DPP4: variants seen among roughly 807,000 people sequenced by gnomAD.
The protein encoded by DPP4 is ADCP-2.
DPP4 carries 93 observed loss-of-function variants against 122.4 expected under a neutral mutation model. The ratio of observed to expected loss-of-function variants is 0.76; its 90% CI spans 0.64 to 0.90. DPP4 has a LOEUF of 0.90. Among genes scored for constraint, DPP4 ranks in the 40% least tolerant of loss-of-function variants. The pLI is 0.00. For missense variants in DPP4, 914 were observed against 907.3 expected, an observed-to-expected ratio of 1.01 and a Z score of -0.09; for synonymous variants, 321 against 302.9, an observed-to-expected ratio of 1.06 and a Z score of -0.62.
intron 5 of DPP4, among the ~76,000 whole-genome samples, chr2:162,042,351 G>T (rs910241791): frequency 2.0e-5 from 3 of 152,184 alleles, no homozygotes; most frequent in Non-Finnish European, 2.9e-5. Context: ...GAGCAGAGAT[G>T]CTAGGAGAAC....
At chr2:162,002,625 T>C (rs1701179288) in intron 23 of DPP4, among the ~76,000 whole-genome samples, 1 of 151,838 alleles carries the variant, frequency 6.6e-6, no homozygotes, top group Non-Finnish European at 1.5e-5. Context: ...CCTTTGTCTT[T>C]TCAAAAAGGA....
intron 9 of DPP4, 66 bp downstream of exon 9, chr2:162,035,098 G>T (rs1281100386): frequency 2.1e-6 from 3 of 1,461,802 alleles, no homozygotes; most frequent in Admixed American, 4.3e-5. Flanking sequence ...TTAGCAAGAA[G>T]GGATTAAATG....
At chr2:161,998,775 T>C (rs1408507602) in intron 23 of DPP4, among the ~76,000 whole-genome samples, 2 of 152,086 alleles carry the variant, frequency 1.3e-5, no homozygotes, top group Non-Finnish European at 2.9e-5. Context: ...ATAAATGTTG[T>C]GATGTACACA....
At chr2:162,032,310 C>T (rs1005587714) in intron 10 of DPP4, 4 of 152,224 alleles carry the variant, frequency 2.6e-5, no homozygotes, top group African/African-American at 9.7e-5. Flanking sequence ...GACAGACTGA[C>T]TTTAAAGAGT....
Position 162,016,691 on chromosome 2 carries a change from T to C in DPP4, c.1567+77A>G, listed in dbSNP as rs1682939122. On this transcript the variant is annotated intron_variant, in intron 18 of 25. Coordinates refer to ENST00000360534, the MANE Select transcript of DPP4 (RefSeq NM_001935.4). ...ATTTATATATAATATGAAATACATA[T>C]TTTCAGATCGAATTACTATAGTTAG... 3.3e-6 allele frequency: 3 copies of C among 919,632 alleles called. No homozygotes were observed. In the South Asian group the frequency reaches 6.6e-5, roughly 20 times the overall value. 57.0% of individuals were successfully genotyped at this position (919,632 alleles called of 1,614,324 possible).
intron 5 of DPP4, among the ~76,000 whole-genome samples, chr2:162,044,406 G>A (rs954730636): frequency 5.9e-5 from 9 of 152,128 alleles, no homozygotes; most frequent in African/African-American, 1.9e-4. Flanking sequence ...TGGTGTGTGA[G>A]TGTTGGTGTG....
rs749218143 is a variant in DPP4 at position 162,020,185 on chromosome 2, T to C, written c.1244+44A>G. ...TACTTCTGGGCAAAGAGGGCATGAT[T>C]ATGACAAGTAGGTTTATATCCTATC... On this transcript the variant is annotated intron_variant, in intron 14 of 25. Transcript: ENST00000360534. 24 of 1,533,094 alleles carry C rather than the reference T, an allele frequency of 1.6e-5. No individual in the cohort carries two copies. In the Admixed American group the frequency reaches 4.3e-4, roughly 27 times the overall value. The allele number at this position is 1,533,094 out of a possible 1,614,324, so 95.0% of individuals were successfully genotyped here.
Position 161,993,213 on chromosome 2 carries a change from G to GTGCAGT in DPP4, c.*64_*69dup. The GTGCAGT allele has an allele frequency of 8.6e-7, 1 of 1,157,050 alleles. No individual in the cohort carries two copies. The highest frequency in any genetic ancestry group is 1.3e-6 in the Non-Finnish European group (1 of 768,074). The allele number at this position is 1,157,050 out of a possible 1,614,324, so 71.7% of individuals were successfully genotyped here. A position where few individuals can be genotyped will look rare whatever the true frequency, so the allele number is the denominator to read the frequency against. Reference sequence around the variant, plus strand: ...TTTAAAGATCATCATCATCTTGACAGTGCAGTTTTGAGATAATGAAAACAA... The same window carrying GTGCAGT: ...TTTAAAGATCATCATCATCTTGACAGTGCAGTTGCAGTTTTGAGATAATGAAAACAA... On this transcript the variant is annotated 3_prime_UTR_variant, in exon 26 of 26. Coordinates refer to ENST00000360534, the MANE Select transcript of DPP4 (RefSeq NM_001935.4).
chr2:162,019,484 TAAAATA>T (rs1159300756), intron 14 of DPP4, among the ~76,000 whole-genome samples: 1 of 151,098 alleles, frequency 6.6e-6, no homozygotes, highest in African/African-American at 2.4e-5. Flanking sequence ...CTTAACAGAC[TAAAATA>T]TGTAAAACCA....
rs1189294526 is a variant in DPP4, at chr2:162,024,827, T to C, written c.1000A>G (p.Ser334Gly). The change falls in exon 11 of 26, where the codon AGT becomes GGT. Residue 334 changes from serine (S) to glycine (G), a missense_variant. By Grantham distance (56) the Ser-to-Gly change is moderately conservative. Transcript: ENST00000360534. ...ACCACTAAGCAGTTCCATCTTCCAC[T>C]GGATTCATCATAGTCACAAATATCC... is the stretch of plus-strand genomic sequence containing the variant. The part of the protein sequence containing the change: ...VMDICDYDES[S>G]GRWNCLVARQ... 6.2e-7 allele frequency: 1 copy of C among 1,613,728 alleles called. No individual in the cohort carries two copies. Among genetic ancestry groups the C allele is most frequent in the Non-Finnish European group, 8.5e-7 (1 of 1,180,014 alleles).
chr2:162,032,707 AAC>A (rs1491265813), intron 10 of DPP4, among the ~76,000 whole-genome samples: 3,656 of 126,594 alleles, frequency 0.029, 148 homozygotes, highest in African/African-American at 0.097. Context: ...CAACAACAAC[AAC>A]AAAAAAAAAA....
intron 2 of DPP4, among the ~76,000 whole-genome samples, chr2:162,050,520 G>C (rs1422749888): frequency 1.3e-5 from 2 of 152,158 alleles, no homozygotes; most frequent in African/African-American, 4.8e-5. Flanking sequence ...ACACTTGCTA[G>C]AGCCCAGGAC....
At chr2:162,026,435 T>A (rs1288327591) in intron 10 of DPP4, among the ~76,000 whole-genome samples, 1 of 152,198 alleles carries the variant, frequency 6.6e-6, no homozygotes, top group Non-Finnish European at 1.5e-5. Flanking sequence ...AACTATATAC[T>A]ACCTAGTCTG....
intron 10 of DPP4, among the ~76,000 whole-genome samples, chr2:162,031,452 C>G (rs959465667): frequency 3.3e-5 from 5 of 152,212 alleles, no homozygotes; most frequent in African/African-American, 1.2e-4. Flanking sequence ...TTCTAAAGCC[C>G]CTTTCCGATG....
At chr2:162,059,261 A>G (rs541436733) in intron 2 of DPP4, among the ~76,000 whole-genome samples, 1 of 151,586 alleles carries the variant, frequency 6.6e-6, no homozygotes, top group Admixed American at 6.6e-5. Context: ...TTTTTTTCTG[A>G]TTATAGTCAC....
intron 5 of DPP4, among the ~76,000 whole-genome samples, chr2:162,044,171 C>T (rs1046598453): frequency 6.6e-6 from 1 of 152,138 alleles, no homozygotes; most frequent in African/African-American, 2.4e-5. Flanking sequence ...AAATAAGAAG[C>T]ACTTAATTAA....
At chr2:162,004,000 G>A (rs1053352979) in intron 23 of DPP4, among the ~76,000 whole-genome samples, 4 of 152,146 alleles carry the variant, frequency 2.6e-5, no homozygotes, top group Non-Finnish European at 4.4e-5. Flanking sequence ...GGCTGTGTAA[G>A]TTTCTGAATG....
intron 10 of DPP4, among the ~76,000 whole-genome samples, chr2:162,031,322 C>A (rs745896675): frequency 6.6e-6 from 1 of 152,214 alleles, no homozygotes; most frequent in Non-Finnish European, 1.5e-5. Context: ...AGGACAAGGA[C>A]TAGACCTGCC....
At chr2:162,024,539 T>A (rs896702112) in intron 11 of DPP4, among the ~76,000 whole-genome samples, 1 of 152,222 alleles carries the variant, frequency 6.6e-6, no homozygotes, top group Admixed American at 6.5e-5. Context: ...TATCTTGTGG[T>A]CAGTCACCCC....
Sources: gnomAD v4.1 joint callset for allele counts (sites outside exome capture counted in the v4.1 genomes callset) on GRCh38, gnomAD v4.1.1 for gene constraint, MANE v1.5 for transcripts, NCBI Gene and HGNC (gene_info 2026-07-23, HGNC 2026-07-21) for gene names.